CLN8: variants seen among roughly 807,000 people sequenced by gnomAD.
The protein encoded by CLN8 is protein CLN8.
A neutral mutation model predicts 15.7 loss-of-function variants in CLN8; 14 were observed. The ratio of observed to expected loss-of-function variants is 0.89; its 90% confidence interval spans 0.59 to 1.39. The LOEUF (loss-of-function observed/expected upper bound fraction) is 1.39, where lower values mean the gene tolerates loss of function less well. Ranked by LOEUF, CLN8 falls within the 40% of genes most tolerant of loss-of-function variation. The probability of loss-of-function intolerance (pLI) is 0.00; values close to 1 mark genes in which losing one functional copy is unlikely to be tolerated. For missense variants in CLN8, 415 were observed against 364.0 expected (o/e 1.14, Z -1.14); for synonymous variants, 188 against 151.0 (o/e 1.25, Z -1.80).
At chr8:1,776,856 C>T (rs1276267858) in intron 2 of CLN8, among the ~76,000 whole-genome samples, 1 of 152,170 alleles carries the variant, frequency 6.6e-6, no homozygotes, top group African/African-American at 2.4e-5. Flanking sequence ...GAAGTCCCAT[C>T]ATCAGTGGAA....
intron 2 of CLN8, chr8:1,780,043 C>T (rs1450955816): frequency 3.0e-6 from 3 of 985,302 alleles, no homozygotes; most frequent in Admixed American, 6.1e-5. Context: ...AAGGGTCAGC[C>T]CTGCTGGCCC....
chr8:1,776,236 G>C (rs7014823), intron 2 of CLN8, among the ~76,000 whole-genome samples: 124,501 of 152,040 alleles, frequency 0.82, 51,390 homozygotes, highest in African/African-American at 0.9. Context: ...TCTGTTCACA[G>C]AGAAGGTTCT....
rs190682464 is a variant in CLN8, at chr8:1,769,754, G to A, written c.-123-1178G>A. 1.1e-4 allele frequency among the ~76,000 whole-genome samples: 17 copies of A among 152,292 alleles called. 1 individual carries two copies. The East Asian group carries it at 3.3e-3, about 29-fold the overall frequency. On this transcript the variant is annotated intron_variant, in intron 1 of 2. Transcript: ENST00000331222. Reference sequence around the variant, plus strand: ...GACAGGTTCAGGCTTAGGTAAAGTGGACCCTTTCAGCATGATTCAGCATCT... The same window carrying A: ...GACAGGTTCAGGCTTAGGTAAAGTGAACCCTTTCAGCATGATTCAGCATCT...
chr8:1,776,667 G>C (rs1356413731), intron 2 of CLN8, among the ~76,000 whole-genome samples: 1 of 152,238 alleles, frequency 6.6e-6, no homozygotes, highest in Non-Finnish European at 1.5e-5. Context: ...CTTGATAAAT[G>C]CTTGAGTGTC....
At chr8:1,767,392 A>G (rs1407437751) in intron 1 of CLN8, among the ~76,000 whole-genome samples, 2 of 152,010 alleles carry the variant, frequency 1.3e-5, no homozygotes, top group African/African-American at 4.8e-5. Context: ...TTCTGTTTCC[A>G]TGTCTTTCAC....
chr8:1,779,896 T>C (rs892700025), intron 2 of CLN8: 39 of 957,902 alleles, frequency 4.1e-5, no homozygotes, highest in African/African-American at 7.0e-5. Flanking sequence ...CAAATAAGTA[T>C]TGTTTATTTA....
chr8:1,755,430 A>G (rs1022708539), upstream of CLN8, among the ~76,000 whole-genome samples: 3 of 151,946 alleles, frequency 2.0e-5, no homozygotes, highest in Non-Finnish European at 4.4e-5. Context: ...CAGTGGCCCC[A>G]CACAGACCCC....
chr8:1,780,551 G>C lies in CLN8; in HGVS notation c.845G>C (p.Arg282Pro), dbSNP rs766172825. 2 of 1,614,078 alleles carry C rather than the reference G, an allele frequency of 1.2e-6. No homozygotes were observed. The highest frequency in any genetic ancestry group is 1.7e-6 in the Non-Finnish European group (2 of 1,179,966). Residue 282 changes from arginine (R) to proline (P), a missense_variant, in exon 3 of 3, where the codon CGG becomes CCG. Arg to Pro is a moderately radical substitution (Grantham distance 103). Transcript: ENST00000331222. ...SRPEGNGQLL[R>P]KKRP ...CCAGAAGGCAACGGGCAGCTGCTGC[G>C]GAAGAAGAGGCCATAGCTGCTCCAG...
chr8:1,768,587 C>T lies in CLN8; in HGVS notation c.-123-2345C>T, dbSNP rs892685839. ...TGGAAAAGTACAGGGAGAAGTTTTA[C>T]GAGGGGTCCATATTTTAACCTTTAA... On this transcript the variant is annotated intron_variant, in intron 1 of 2. Transcript: ENST00000331222. 3.9e-5 allele frequency among the ~76,000 whole-genome samples: 6 copies of T among 152,304 alleles called. No individual in the cohort carries two copies. The South Asian group carries it at 6.2e-4, about 16-fold the overall frequency.
upstream of CLN8, among the ~76,000 whole-genome samples, chr8:1,761,012 C>CTTTTTTTTTTTTTTTTTTTTTTTTT: frequency 1.5e-5 from 1 of 67,562 alleles, no homozygotes; most frequent in Non-Finnish European, 2.6e-5. Context: ...CTATAGCCAT[C>CTTTTTTTTTTTTTTTTTTTTTTTTT]TTTTTTTTTT....
chr8:1,775,886 G>A (rs7014327), intron 2 of CLN8, among the ~76,000 whole-genome samples: 105,638 of 152,200 alleles, frequency 0.69, 36,857 homozygotes, highest in South Asian at 0.76. Context: ...GCCAGGTGCC[G>A]GGTCATAACA....
chr8:1,765,441 T>G (rs530626433), intron 1 of CLN8, among the ~76,000 whole-genome samples: 1 of 152,370 alleles, frequency 6.6e-6, no homozygotes, highest in South Asian at 2.1e-4. Flanking sequence ...ATTTTTGTAT[T>G]TTTATGCTTG....
exon 1 of CLN8, chr8:1,756,008 A>G (rs1800661646): frequency 6.6e-6 from 1 of 152,204 alleles, no homozygotes; most frequent in African/African-American, 2.4e-5. Flanking sequence ...GCTGATCCCA[A>G]GTTTCACATC....
At position 1,771,508 on chromosome 8, in the gene CLN8, A is replaced by C; in HGVS notation, c.454A>C (p.Asn152His). 1 of 1,614,156 alleles carries C rather than the reference A, an allele frequency of 6.2e-7. No homozygotes were observed. The highest frequency in any genetic ancestry group is 2.2e-5 in the East Asian group (1 of 44,868). ...AFLGFLGCLV[N>H]LQAGHYLAMT... ...TCTTGGGTTTCTTGGCTGCTTGGTCAATCTCCAAGCTGGCCACTATCTAGC... is the reference window on the plus strand; with the variant it reads ...TCTTGGGTTTCTTGGCTGCTTGGTCCATCTCCAAGCTGGCCACTATCTAGC... The change falls in exon 2 of 3, where the codon AAT (asparagine) becomes CAT (histidine). Residue 152 changes from asparagine to histidine, a missense_variant. Transcript: ENST00000331222.
chr8:1,760,533 T>C (rs537774981), upstream of CLN8: 7 of 152,330 alleles, frequency 4.6e-5, no homozygotes, highest in African/African-American at 1.4e-4. Flanking sequence ...ATCACTCTGC[T>C]TTAAAGATGG....
chr8:1,778,612 A>G (rs1037251515), intron 2 of CLN8, among the ~76,000 whole-genome samples: 2 of 152,184 alleles, frequency 1.3e-5, no homozygotes, highest in African/African-American at 4.8e-5. Flanking sequence ...GTTGGGGTGA[A>G]CTAAGTGCTT....
intron 2 of CLN8, among the ~76,000 whole-genome samples, chr8:1,772,071 G>C (rs1237065826): frequency 6.6e-6 from 1 of 151,964 alleles, no homozygotes; most frequent in East Asian, 1.9e-4. Context: ...TAGTAGCTAG[G>C]ACTACAGGTG....
In CLN8 at chr8:1,782,528, A is replaced by G. The variant is rs78155116; in HGVS notation, c.*1961A>G. 1 of 152,158 alleles carries G rather than the reference A, an allele frequency of 6.6e-6. No individual in the cohort carries two copies. The highest frequency in any genetic ancestry group is 1.5e-5 in the Non-Finnish European group (1 of 68,032). The allele number at this position is 152,158 out of a possible 1,614,324, so 9.4% of individuals were successfully genotyped here. A position where few individuals can be genotyped will look rare whatever the true frequency, so the allele number is the denominator to read the frequency against. ...CCTATTTATCACATTTTACGAAGCA[A>G]TTTTAATCTTAAACACATCCAGCAA... On this transcript the variant is annotated 3_prime_UTR_variant, in exon 3 of 3. Transcript: ENST00000331222.
chr8:1,780,479 T>G lies in CLN8; in HGVS notation c.773T>G (p.Leu258Arg). 1 of 1,614,166 alleles carries G rather than the reference T, an allele frequency of 6.2e-7. No individual in the cohort carries two copies. Among genetic ancestry groups the G allele is most frequent in the Non-Finnish European group, 8.5e-7 (1 of 1,180,038 alleles). ...ACCCATAAGAAGACTCAGCAGCTTC[T>G]CAATCCGGTGGACTGGAACTTCGCA... ...YWTHKKTQQL[L>R]NPVDWNFAQP... The change falls in exon 3 of 3, where the codon CTC becomes CGC. Residue 258 changes from leucine (L) to arginine (R), a missense_variant. Coordinates refer to ENST00000331222, the MANE Select transcript of CLN8 (RefSeq NM_018941.4).
Sources: allele counts gnomAD v4.1 joint callset (sites outside exome capture counted in the v4.1 genomes callset), GRCh38; gene constraint gnomAD v4.1.1; transcripts MANE v1.5; gene names NCBI Gene and HGNC (gene_info 2026-07-23, HGNC 2026-07-21).